The following SRBD1 variants were observed in gnomAD, a reference collection of about 807,000 sequenced individuals.
SRBD1 encodes the protein S1 RNA-binding domain-containing protein 1.
SRBD1 carries 88 observed loss-of-function variants against 115.3 expected under a neutral mutation model. The observed-to-expected ratio is 0.76, with a 90% CI of 0.64 to 0.91. SRBD1 has a LOEUF of 0.91. Among genes scored for constraint, SRBD1 ranks in the 40% least tolerant of loss-of-function variants. The pLI is 0.00. For missense variants in SRBD1, 1,385 were observed against 1,177.4 expected, an observed-to-expected ratio of 1.18 and a Z score of -2.58; for synonymous variants, 509 against 407.7, an observed-to-expected ratio of 1.25 and a Z score of -2.99.
chr2:45,574,757 A>C (rs1456264795), intron 7 of SRBD1, 34 bp from the exon 8 acceptor site: 2 of 1,538,684 alleles, frequency 1.3e-6, no homozygotes, highest in Non-Finnish European at 1.8e-6. Context: ...AAACAAAAAC[A>C]AAAAGTATAC....
intron 16 of SRBD1, among the ~76,000 whole-genome samples, chr2:45,441,633 A>G (rs186492763): frequency 7.9e-5 from 12 of 152,326 alleles, no homozygotes; most frequent in Non-Finnish European, 1.3e-4. Flanking sequence ...GGAAGGAAAA[A>G]CCAGGGACAA....
intron 14 of SRBD1, among the ~76,000 whole-genome samples, chr2:45,528,279 T>C (rs1371946605): frequency 4.6e-5 from 7 of 151,738 alleles, no homozygotes; most frequent in Admixed American, 6.6e-5. Flanking sequence ...ACATGAAAAG[T>C]AGGTTGAGGC....
At chr2:45,492,164 C>CTTAAATGGTG (rs1189426017) in intron 14 of SRBD1, among the ~76,000 whole-genome samples, 1 of 152,114 alleles carries the variant, frequency 6.6e-6, no homozygotes, top group Non-Finnish European at 1.5e-5. Context: ...AATGGTGTTA[C>CTTAAATGGTG]TTACAAAAAG....
At chr2:45,415,681 G>GAGGAGAGGAGA (rs1667802720) in intron 18 of SRBD1, among the ~76,000 whole-genome samples, 1 of 27,904 alleles carries the variant, frequency 3.6e-5, no homozygotes, top group African/African-American at 1.2e-4. Flanking sequence ...GGGGAGGGGA[G>GAGGAGAGGAGA]GGGACGGGAG....
At chr2:45,601,411 C>A (rs189581299) in intron 3 of SRBD1, among the ~76,000 whole-genome samples, 30 of 152,320 alleles carry the variant, frequency 2.0e-4, no homozygotes, top group Admixed American at 8.5e-4. Context: ...CTCTTGTGAA[C>A]ACAACTGATG....
At chr2:45,433,662 T>A (rs554374395) in intron 16 of SRBD1, among the ~76,000 whole-genome samples, 14 of 152,256 alleles carry the variant, frequency 9.2e-5, no homozygotes, top group Admixed American at 6.5e-4. Context: ...ATTAATCAAA[T>A]CCGGTAAACA....
chr2:45,462,910 G>GACA (rs112230215), intron 16 of SRBD1, among the ~76,000 whole-genome samples: 12,835 of 151,000 alleles, frequency 0.085, 711 homozygotes, highest in African/African-American at 0.15. Flanking sequence ...TGTTCAAAAC[G>GACA]ACAACACATG....
chr2:45,418,619 A>C (rs2103630647), intron 17 of SRBD1, 78 bp from the exon 18 acceptor site: 2,179 of 1,091,754 alleles, frequency 2.0e-3, no homozygotes, highest in Middle Eastern at 2.8e-3. Flanking sequence ...GGATCATAAA[A>C]ACGACTGCAA....
In SRBD1 at chr2:45,599,542, CT is replaced by C. The variant is rs775909121; in HGVS notation, c.554del (p.Lys185ArgfsTer26). On this transcript the variant is annotated frameshift_variant, in exon 4 of 21. Coordinates refer to ENST00000263736, the MANE Select transcript of SRBD1 (RefSeq NM_018079.5). LOFTEE classifies it high-confidence loss of function. ...GCTGCCCCTGAGGATATGTCTCAGT[CT>C]TGATTTTCTTTAAAGCGGACTGACC... ...TFGQSALKKIKTETYPQGQPV... is the reference protein window; with the variant it reads ...TFGQSALKKIXTETYPQGQPV... 6.2e-7 allele frequency: 1 copy of C among 1,614,202 alleles called. No homozygotes were observed. Among genetic ancestry groups the C allele is most frequent in the Non-Finnish European group, 8.5e-7 (1 of 1,180,042 alleles).
chr2:45,425,332 CAT>C, intron 16 of SRBD1, among the ~76,000 whole-genome samples: 1 of 152,228 alleles, frequency 6.6e-6, no homozygotes, highest in East Asian at 1.9e-4. Flanking sequence ...AAAACATGTA[CAT>C]ATGACTTTAT....
intron 16 of SRBD1, among the ~76,000 whole-genome samples, chr2:45,426,122 C>G (rs1265574673): frequency 6.6e-6 from 1 of 152,202 alleles, no homozygotes; most frequent in Admixed American, 6.5e-5. Context: ...ACTGCCAGCA[C>G]AGCAGTCTGA....
chr2:45,415,017 T>C (rs62650652), intron 18 of SRBD1, among the ~76,000 whole-genome samples: 2,595 of 65,056 alleles, frequency 0.04, 375 homozygotes, highest in Middle Eastern at 0.13. Context: ...ATAGTATGTA[T>C]ATACACACAT....
chr2:45,505,563 C>G (rs1008199594), intron 14 of SRBD1, among the ~76,000 whole-genome samples: 3 of 152,138 alleles, frequency 2.0e-5, no homozygotes, highest in Admixed American at 6.5e-5. Flanking sequence ...AAATGGCCAC[C>G]AAATTCTTTG....
chr2:45,524,495 T>C (rs2103964495), intron 14 of SRBD1, among the ~76,000 whole-genome samples: 1 of 151,990 alleles, frequency 6.6e-6, no homozygotes, highest in Non-Finnish European at 1.5e-5. Flanking sequence ...TATTTCTACA[T>C]CCTTGCAAGA....
At chr2:45,594,615 C>T (rs375526724) in intron 4 of SRBD1, among the ~76,000 whole-genome samples, 75 of 152,256 alleles carry the variant, frequency 4.9e-4, no homozygotes, top group African/African-American at 1.6e-3. Context: ...GATCCCCAAC[C>T]CCGGATCAGG....
intron 14 of SRBD1, among the ~76,000 whole-genome samples, chr2:45,529,547 T>C (rs745315542): frequency 2.6e-5 from 4 of 151,812 alleles, no homozygotes; most frequent in Non-Finnish European, 5.9e-5. Flanking sequence ...CCAATAAAAA[T>C]TTTATTAAAA....
At chr2:45,539,701 G>T (rs1340498599) in intron 14 of SRBD1, among the ~76,000 whole-genome samples, 1 of 152,172 alleles carries the variant, frequency 6.6e-6, no homozygotes, top group Non-Finnish European at 1.5e-5. Flanking sequence ...TCCCAAACTG[G>T]TAGTATCTAA....
intron 14 of SRBD1, among the ~76,000 whole-genome samples, chr2:45,490,201 G>A (rs1462525341): frequency 6.6e-6 from 1 of 152,118 alleles, no homozygotes; most frequent in Non-Finnish European, 1.5e-5. Context: ...ATAATAATGT[G>A]ATGTTAAAAC....
intron 14 of SRBD1, among the ~76,000 whole-genome samples, chr2:45,535,103 A>G (rs1160314984): frequency 6.6e-6 from 1 of 152,036 alleles, no homozygotes; most frequent in Non-Finnish European, 1.5e-5. Context: ...AAATTTGAAA[A>G]GCATGTCTCC....
Sources: allele counts gnomAD v4.1 joint callset (sites outside exome capture counted in the v4.1 genomes callset), GRCh38; gene constraint gnomAD v4.1.1; transcripts MANE v1.5; gene names NCBI Gene and HGNC (gene_info 2026-07-23, HGNC 2026-07-21).